The following DACH2 variants were observed in gnomAD, a reference collection of about 807,000 sequenced individuals.
The protein encoded by DACH2 is dachshund family transcription factor 2, also known as dachshund homolog 2.
A neutral mutation model predicts 35.8 loss-of-function variants in DACH2; 17 were observed. That is an observed-to-expected ratio of 0.48 (90% confidence interval 0.33 to 0.71). The LOEUF is 0.71. Among genes scored for constraint, DACH2 ranks in the 30% least tolerant of loss-of-function variants. The pLI is 0.02. For synonymous variants in DACH2, 195 were observed against 177.3 expected (o/e 1.10, Z -0.79); for missense variants, 469 against 472.7 (o/e 0.99, Z 0.07).
chrX:86,427,334 A>G lies in DACH2; in HGVS notation c.527+50472A>G, dbSNP rs147499852. ...GTGGAAAATTTTTTATAAATTAAGA[A>G]TTTGAGGATCTGATGAATAGAAAAT... On this transcript the variant is annotated intron_variant, in intron 2 of 11. Coordinates refer to ENST00000373125, the MANE Select transcript of DACH2 (RefSeq NM_053281.3). Among the ~76,000 whole-genome samples, 523 of 111,343 alleles carry G rather than the reference A, an allele frequency of 4.7e-3. 5 individuals are homozygous for G. Among genetic ancestry groups the G allele is most frequent in the African/African-American group, 0.016 (498 of 30,797 alleles).
At chrX:86,451,608 T>A (rs747367861) in intron 2 of DACH2, among the ~76,000 whole-genome samples, 3 of 111,620 alleles carry the variant, frequency 2.7e-5, no homozygotes, top group Admixed American at 1.9e-4. Context: ...TCAATGATAG[T>A]TTAATGAAAA....
chrX:86,658,811 A>G (rs1338039835), intron 4 of DACH2, among the ~76,000 whole-genome samples: 1 of 111,599 alleles, frequency 9.0e-6, no homozygotes, highest in African/African-American at 3.2e-5. Flanking sequence ...TTGTAGAAAT[A>G]AATGGAGTAT....
chrX:86,680,856 G>A (rs760751446), intron 4 of DACH2, among the ~76,000 whole-genome samples: 135 of 109,323 alleles, frequency 1.2e-3, no homozygotes, highest in African/African-American at 4.1e-3. Flanking sequence ...GCTATGCTAT[G>A]TTGCCCAGCC....
At chrX:86,204,917 G>T (rs1336951767) in intron 1 of DACH2, among the ~76,000 whole-genome samples, 1 of 111,390 alleles carries the variant, frequency 9.0e-6, no homozygotes, top group Non-Finnish European at 1.9e-5. Context: ...TCTCCCTGTG[G>T]ATGAGATAAA....
At chrX:86,445,484 T>C (rs1200430404) in intron 2 of DACH2, among the ~76,000 whole-genome samples, 5 of 86,059 alleles carry the variant, frequency 5.8e-5, no homozygotes, top group Non-Finnish European at 1.1e-4. Context: ...AATGTGCACA[T>C]GTACCCTAAA....
intron 3 of DACH2, among the ~76,000 whole-genome samples, chrX:86,530,237 C>T (rs899079710): frequency 1.2e-4 from 13 of 111,465 alleles, no homozygotes; most frequent in Non-Finnish European, 3.8e-5. Context: ...AGGAGTAATA[C>T]TTGAAAATTT....
At chrX:86,457,070 G>T (rs1318753051) in intron 2 of DACH2, among the ~76,000 whole-genome samples, 1 of 111,193 alleles carries the variant, frequency 9.0e-6, no homozygotes, top group Non-Finnish European at 1.9e-5. Context: ...ATGCCTAGTT[G>T]TAGTCAAATT....
chrX:86,411,206 A>G (rs1343912263), intron 2 of DACH2, among the ~76,000 whole-genome samples: 5 of 105,928 alleles, frequency 4.7e-5, no homozygotes, highest in Non-Finnish European at 9.7e-5. Context: ...AGCATGGAAG[A>G]AAGATGTAGG....
In DACH2 at chrX:86,652,833, T is replaced by G. The variant is rs111664657; in HGVS notation, c.772+1666T>G. 9.1e-3 allele frequency among the ~76,000 whole-genome samples: 1,016 copies of G among 112,176 alleles called. 6 individuals are homozygous for G. The highest frequency in any genetic ancestry group is 0.013 in the Non-Finnish European group (683 of 53,267). The stretch of plus-strand genomic sequence containing the variant: ...ATTTGTTTCAGTTCCTTGAAGATTC[T>G]TGATATTAGACCTTTGTCAGATGTA... On this transcript the variant is annotated intron_variant, in intron 4 of 11. Transcript: ENST00000373125.
At chrX:86,373,374 A>G (rs1279699757) in intron 1 of DACH2, among the ~76,000 whole-genome samples, 1 of 111,275 alleles carries the variant, frequency 9.0e-6, no homozygotes, top group Non-Finnish European at 1.9e-5. Context: ...ACTGGCTTAG[A>G]GATCAAGGGA....
chrX:86,738,980 C>A (rs2041625578), intron 6 of DACH2, among the ~76,000 whole-genome samples: 1 of 111,322 alleles, frequency 9.0e-6, no homozygotes, highest in African/African-American at 3.3e-5. Flanking sequence ...TCAAGGGATT[C>A]TTCTACATCA....
intron 2 of DACH2, among the ~76,000 whole-genome samples, chrX:86,485,303 C>CAT (rs1357381728): frequency 9.0e-6 from 1 of 111,222 alleles, no homozygotes; most frequent in Non-Finnish European, 1.9e-5. Flanking sequence ...AGATCTCACT[C>CAT]ATATATGGAG....
intron 1 of DACH2, among the ~76,000 whole-genome samples, chrX:86,359,150 C>CT (rs1288009450): frequency 1.9e-5 from 2 of 105,336 alleles, no homozygotes; most frequent in African/African-American, 6.9e-5. Context: ...TAAAGAGTGC[C>CT]TTTAATTTCT....
intron 2 of DACH2, among the ~76,000 whole-genome samples, chrX:86,397,032 G>T (rs188450079): frequency 0.04 from 4,447 of 110,467 alleles, 107 homozygotes; most frequent in East Asian, 0.22. Context: ...GCATGGAATG[G>T]TCTTCCATTT....
At chrX:86,205,392 T>TCCTC (rs1463410683) in intron 1 of DACH2, among the ~76,000 whole-genome samples, 2 of 100,292 alleles carry the variant, frequency 2.0e-5, no homozygotes, top group Non-Finnish European at 4.1e-5. Context: ...TTTCCTTCCT[T>TCCTC]CCTCCCTCCC....
At chrX:86,242,291 A>G (rs1010685821) in intron 1 of DACH2, among the ~76,000 whole-genome samples, 4 of 112,680 alleles carry the variant, frequency 3.5e-5, no homozygotes, top group Middle Eastern at 4.6e-3. Context: ...CACCCCTTGC[A>G]TCACTGTGTC....
At chrX:86,674,700 A>AT (rs1301539057) in intron 4 of DACH2, among the ~76,000 whole-genome samples, 1 of 111,774 alleles carries the variant, frequency 8.9e-6, no homozygotes, top group African/African-American at 3.3e-5. Context: ...ACCCTTCTGC[A>AT]TTTTTTCTTT....
At chrX:86,197,434 A>G (rs776573149) in intron 1 of DACH2, among the ~76,000 whole-genome samples, 1 of 111,795 alleles carries the variant, frequency 8.9e-6, no homozygotes, top group African/African-American at 3.2e-5. Flanking sequence ...TGTAAACAGG[A>G]TAAATATCTC....
At chrX:86,365,509 T>TA (rs1198244783) in intron 1 of DACH2, among the ~76,000 whole-genome samples, 1 of 111,587 alleles carries the variant, frequency 9.0e-6, no homozygotes, top group Non-Finnish European at 1.9e-5. Flanking sequence ...TCAAAGAATA[T>TA]AAAAAATTCA....
Sources: gnomAD v4.1 joint callset for allele counts (sites outside exome capture counted in the v4.1 genomes callset) on GRCh38, gnomAD v4.1.1 for gene constraint, MANE v1.5 for transcripts, NCBI Gene and HGNC (gene_info 2026-07-23, HGNC 2026-07-21) for gene names.